The following SMAD3 variants were observed in gnomAD, a reference collection of about 807,000 sequenced individuals.
The protein encoded by SMAD3 is MAD homolog 3.
Under a neutral mutation model 51.8 loss-of-function variants are expected in SMAD3, and 12 were observed. That is an observed-to-expected ratio of 0.23 (90% confidence interval 0.15 to 0.38). SMAD3 has a LOEUF of 0.38. Ranked by LOEUF, SMAD3 falls within the 10% of genes least tolerant of loss-of-function variation. The pLI is 1.00. For synonymous variants in SMAD3, 238 were observed against 227.7 expected, an observed-to-expected ratio of 1.05 and a Z score of -0.41; for missense variants, 294 against 565.6, an observed-to-expected ratio of 0.52 and a Z score of 4.87.
intron 1 of SMAD3, among the ~76,000 whole-genome samples, chr15:67,076,733 C>T (rs986553289): frequency 6.6e-6 from 1 of 152,214 alleles, no homozygotes; most frequent in Non-Finnish European, 1.5e-5. Context: ...TTCCTTTTTC[C>T]AGATCATGCT....
In SMAD3 at chr15:67,138,352, T is replaced by C. The variant is rs1372150970; in HGVS notation, c.207-26543T>C. The C allele has an allele frequency of 2.1e-5, 9 of 435,320 alleles. No homozygotes were observed. In the East Asian group the frequency reaches 3.3e-4, roughly 16 times the overall value. 27.0% of individuals were successfully genotyped at this position (435,320 alleles called of 1,614,324 possible). A position where few individuals can be genotyped will look rare whatever the true frequency, so the allele number is the denominator to read the frequency against. ...CTGCTCCCCTCCCCTGAACCCCCCC[T>C]CCCCCGGCCCCAGGATGGAGCTTGC... On this transcript the variant is annotated intron_variant, in intron 1 of 8. Coordinates refer to ENST00000327367, the MANE Select transcript of SMAD3 (RefSeq NM_005902.4).
At chr15:67,108,415 G>T (rs747589424) in intron 1 of SMAD3, among the ~76,000 whole-genome samples, 1 of 152,010 alleles carries the variant, frequency 6.6e-6, no homozygotes, top group Non-Finnish European at 1.5e-5. Flanking sequence ...TCCTTGCTTT[G>T]CCCATACCAG....
rs776577220 is a variant in SMAD3, at chr15:67,184,723, G to A, written c.872-4G>A. On this transcript the variant is annotated splice_region_variant and splice_polypyrimidine_tract_variant and intron_variant, in intron 6 of 8. Transcript: ENST00000327367. ...CCTGTCCAGTCTAACCTGAATCTCT[G>A]TAGGAAGAGGCGTGCGGCTCTACTA... is the stretch of plus-strand genomic sequence containing the variant. The A allele has an allele frequency of 2.0e-5, 32 of 1,613,890 alleles. No homozygotes were observed. Among genetic ancestry groups the A allele is most frequent in the Middle Eastern group, 3.4e-4 (2 of 5,922 alleles).
At chr15:67,099,589 T>C (rs566264924) in intron 1 of SMAD3, among the ~76,000 whole-genome samples, 3 of 152,330 alleles carry the variant, frequency 2.0e-5, no homozygotes, top group Admixed American at 1.3e-4. Flanking sequence ...GAATATGTAA[T>C]ACTTGTGCAG....
At position 67,193,716 on chromosome 15, in the gene SMAD3, T is replaced by C. The variant is rs1963427493; in HGVS notation, c.*3180T>C. The C allele has an allele frequency of 8.6e-6, 2 of 232,588 alleles. No homozygotes were observed. The highest frequency in any genetic ancestry group is 1.7e-5 in the Non-Finnish European group (2 of 117,502). The allele number at this position is 232,588 out of a possible 1,614,324, so 14.4% of individuals were successfully genotyped here. A position where few individuals can be genotyped will look rare whatever the true frequency, so the allele number is the denominator to read the frequency against. On this transcript the variant is annotated 3_prime_UTR_variant, in exon 9 of 9. Transcript: ENST00000327367. ...TGTATTTTTTTTTTTTTATTGACCA[T>C]GGTGATTATTTTTTTAAACCATCGT... is the stretch of plus-strand genomic sequence containing the variant.
At chr15:67,173,630 G>A (rs572271457) in intron 5 of SMAD3, among the ~76,000 whole-genome samples, 3 of 152,104 alleles carry the variant, frequency 2.0e-5, no homozygotes, top group Non-Finnish European at 4.4e-5. Context: ...GAATAAAGTT[G>A]TTTGTGGGTT....
intron 1 of SMAD3, chr15:67,142,744 T>G: frequency 2.7e-6 from 1 of 373,936 alleles, no homozygotes; most frequent in South Asian, 1.9e-5. Flanking sequence ...TAAGTAACAG[T>G]GGAGATATAT....
chr15:67,172,535 A>T (rs1215466517), intron 5 of SMAD3, among the ~76,000 whole-genome samples: 2 of 152,186 alleles, frequency 1.3e-5, no homozygotes, highest in African/African-American at 4.8e-5. Flanking sequence ...GAAGGGGGTG[A>T]GATGGTGATG....
chr15:67,165,220 C>G (rs373596219), intron 2 of SMAD3, 33 bp from the exon 3 acceptor site: 215 of 1,614,070 alleles, frequency 1.3e-4, no homozygotes, highest in Admixed American at 6.3e-4. Flanking sequence ...GGCATCGACA[C>G]TGAGCCACCT....
intron 1 of SMAD3, among the ~76,000 whole-genome samples, chr15:67,108,445 A>G (rs1013493332): frequency 2.6e-5 from 4 of 152,204 alleles, no homozygotes; most frequent in East Asian, 1.9e-4. Flanking sequence ...TCCCAAGCCT[A>G]TTCAACTTAC....
Position 67,181,340 on chromosome 15 carries a change from C to T in SMAD3, c.758C>T (p.Pro253Leu). The T allele has an allele frequency of 6.2e-7, 1 of 1,614,146 alleles. No individual in the cohort carries two copies. Among genetic ancestry groups the T allele is most frequent in the Non-Finnish European group, 8.5e-7 (1 of 1,180,024 alleles). Residue 253 changes from proline (P) to leucine (L), a missense_variant, in exon 6 of 9, where the codon CCA (proline) becomes CTA (leucine). By Grantham distance (98) the Pro-to-Leu change is moderately conservative. This residue lies in a region of SMAD3 where 118 missense variants were observed against 278.0 expected (regional missense o/e 0.42). Transcript: ENST00000327367. ...GGGGAGACATTCCACGCCTCGCAGC[C>T]ATCCATGACTGTGGATGGCTTCACC... ...RVGETFHASQPSMTVDGFTDP... is the reference protein window; with the variant it reads ...RVGETFHASQLSMTVDGFTDP...
intron 1 of SMAD3, among the ~76,000 whole-genome samples, chr15:67,153,495 C>CG (rs1320112686): frequency 6.8e-5 from 4 of 58,734 alleles, no homozygotes; most frequent in East Asian, 3.7e-4. Flanking sequence ...GGGGGGCGGG[C>CG]GGGGGGGATT....
intron 7 of SMAD3, chr15:67,186,700 C>T (rs149630147): frequency 9.7e-4 from 176 of 181,172 alleles, no homozygotes; most frequent in African/African-American, 3.8e-3. Context: ...AGATGCACAC[C>T]TTCACTTAGC....
chr15:67,182,998 A>ATATATATATATATATATATAT (rs1444218521), intron 6 of SMAD3, among the ~76,000 whole-genome samples: 1 of 49,076 alleles, frequency 2.0e-5, no homozygotes, highest in African/African-American at 8.8e-5. Context: ...AAAAAAAAAA[A>ATATATATATATATATATATAT]AAATATATAT....
At chr15:67,157,419 G>T (rs879891383) in intron 1 of SMAD3, among the ~76,000 whole-genome samples, 44 of 152,184 alleles carry the variant, frequency 2.9e-4, no homozygotes, top group Admixed American at 8.5e-4. Flanking sequence ...CCTGGTCTGG[G>T]TTTGAATCCT....
chr15:67,076,020 C>T (rs1826140543), intron 1 of SMAD3, among the ~76,000 whole-genome samples: 1 of 151,842 alleles, frequency 6.6e-6, no homozygotes, highest in Non-Finnish European at 1.5e-5. Flanking sequence ...TTTTCCTTTC[C>T]AAGGGGAAAT....
rs147298653 is a variant in SMAD3 at position 67,098,420 on chromosome 15, G to A, written c.206+32060G>A. On this transcript the variant is annotated intron_variant, in intron 1 of 8. Transcript: ENST00000327367. ...TCGTCCCCTAATTGGAACCACAATC[G>A]CAGGTTTCAGGGACTCAGGAAAGGG... Among the ~76,000 whole-genome samples the A allele has an allele frequency of 2.9e-3, 437 of 152,160 alleles. 4 individuals carry two copies. The highest frequency in any genetic ancestry group is 9.8e-3 in the African/African-American group (405 of 41,484).
At chr15:67,143,547 G>A (rs1046167509) in intron 1 of SMAD3, among the ~76,000 whole-genome samples, 2 of 152,318 alleles carry the variant, frequency 1.3e-5, no homozygotes, top group Middle Eastern at 3.4e-3. Flanking sequence ...TGATTCTCAT[G>A]CCTCAGCCTC....
intron 1 of SMAD3, among the ~76,000 whole-genome samples, chr15:67,104,226 C>T (rs779381482): frequency 2.0e-5 from 3 of 152,142 alleles, no homozygotes; most frequent in Non-Finnish European, 1.5e-5. Context: ...CCCTGCGTCT[C>T]GCACAATGCT....
Sources: gnomAD v4.1 joint callset for allele counts (sites outside exome capture counted in the v4.1 genomes callset) on GRCh38, gnomAD v4.1.1 for gene constraint, gnomAD v4.1.1 regional missense constraint, MANE v1.5 for transcripts, NCBI Gene and HGNC (gene_info 2026-07-23, HGNC 2026-07-21) for gene names.